LRRC4C: variants seen among roughly 807,000 people sequenced by gnomAD.
LRRC4C encodes leucine-rich repeat-containing protein 4C.
A neutral mutation model predicts 33.6 loss-of-function variants in LRRC4C; 5 were observed. The observed-to-expected ratio is 0.15, with a 90% CI of 0.08 to 0.31. The LOEUF (loss-of-function observed/expected upper bound fraction) is 0.31, where lower values mean the gene tolerates loss of function less well. LRRC4C is among the 10% of genes least tolerant of loss of function. The probability of loss-of-function intolerance (pLI) is 1.00; values close to 1 mark genes in which losing one functional copy is unlikely to be tolerated. For synonymous variants in LRRC4C, 329 were observed against 302.0 expected (o/e 1.09, Z -0.93); for missense variants, 560 against 796.7 (o/e 0.70, Z 3.58).
intron 3 of LRRC4C, among the ~76,000 whole-genome samples, chr11:40,532,365 T>C (rs1276998618): frequency 1.3e-5 from 2 of 151,996 alleles, no homozygotes; most frequent in East Asian, 3.9e-4. Context: ...GCATTCAACT[T>C]CTAAGGGCAT....
chr11:40,285,175 T>C (rs1411349960), intron 4 of LRRC4C, among the ~76,000 whole-genome samples: 1 of 152,124 alleles, frequency 6.6e-6, no homozygotes. Flanking sequence ...GGATTTGAGA[T>C]TCCTCTCTCA....
chr11:41,443,528 G>C (rs552726917), intron 1 of LRRC4C, among the ~76,000 whole-genome samples: 63 of 151,818 alleles, frequency 4.1e-4, no homozygotes, highest in African/African-American at 1.4e-3. Context: ...AATAAAATAA[G>C]GAAACAAATT....
At chr11:40,803,491 T>G (rs1337157736) in intron 2 of LRRC4C, among the ~76,000 whole-genome samples, 1 of 152,178 alleles carries the variant, frequency 6.6e-6, no homozygotes, top group Non-Finnish European at 1.5e-5. Flanking sequence ...TTCAATAAAA[T>G]GCATCATCTA....
At position 40,911,416 on chromosome 11, in the gene LRRC4C, G is replaced by T. The variant is rs540867429; in HGVS notation, c.-407+22219C>A. Among the ~76,000 whole-genome samples the T allele has an allele frequency of 3.3e-5, 5 of 152,272 alleles. No homozygotes were observed. The South Asian group carries it at 8.3e-4, about 25-fold the overall frequency. ...TATCCGCTGTTCTGCATCCTCTGAC[G>T]CTGATACCCAGGCAAATGGGGTCTG... On this transcript the variant is annotated intron_variant, in intron 2 of 6. Coordinates refer to ENST00000528697, the MANE Select transcript of LRRC4C (RefSeq NM_001258419.2).
At chr11:40,559,181 CTT>C (rs71060968) in intron 3 of LRRC4C, among the ~76,000 whole-genome samples, 20,195 of 124,492 alleles carry the variant, frequency 0.16, 1,293 homozygotes, top group Admixed American at 0.23. Context: ...TTGCATGCGT[CTT>C]TTTTTTTTTT....
In LRRC4C at chr11:40,862,469, C is replaced by A. The variant is rs140023142; in HGVS notation, c.-407+71166G>T. Among the ~76,000 whole-genome samples, 552 of 152,302 alleles carry A rather than the reference C, an allele frequency of 3.6e-3. 3 individuals carry two copies. The highest frequency in any genetic ancestry group is 0.011 in the African/African-American group (446 of 41,586). On this transcript the variant is annotated intron_variant, in intron 2 of 6. Coordinates refer to ENST00000528697, the MANE Select transcript of LRRC4C (RefSeq NM_001258419.2). ...CCATTTACTAAAGTAAGACATTTTA[C>A]AACAAATCCAAATATGCTTCTGTGG...
intron 3 of LRRC4C, among the ~76,000 whole-genome samples, chr11:40,382,204 G>A (rs1460146246): frequency 7.0e-6 from 1 of 142,062 alleles, no homozygotes; most frequent in Non-Finnish European, 1.5e-5. Flanking sequence ...GGTTGGTCTC[G>A]ATCTCCTGAT....
At chr11:40,712,234 T>G (rs1946503498) in intron 2 of LRRC4C, among the ~76,000 whole-genome samples, 1 of 152,184 alleles carries the variant, frequency 6.6e-6, no homozygotes, top group Non-Finnish European at 1.5e-5. Context: ...AACCAATATT[T>G]TCTCAGTTGC....
chr11:41,123,892 C>T (rs1244820747), intron 1 of LRRC4C, among the ~76,000 whole-genome samples: 1 of 152,194 alleles, frequency 6.6e-6, no homozygotes, highest in Non-Finnish European at 1.5e-5. Context: ...AGTCACTTCA[C>T]ACTGTGTACT....
At chr11:40,658,050 A>T (rs1039059696) in intron 2 of LRRC4C, among the ~76,000 whole-genome samples, 1 of 152,224 alleles carries the variant, frequency 6.6e-6, no homozygotes, top group African/African-American at 2.4e-5. Context: ...CACATACCTG[A>T]ATCAAAGAGT....
At chr11:40,463,584 T>C (rs75525835) in intron 3 of LRRC4C, among the ~76,000 whole-genome samples, 49 of 152,178 alleles carry the variant, frequency 3.2e-4, no homozygotes, top group African/African-American at 1.1e-3. Flanking sequence ...AATAACTCAA[T>C]GTAAAAAAGA....
intron 2 of LRRC4C, among the ~76,000 whole-genome samples, chr11:40,716,076 G>GA (rs1366514293): frequency 3.3e-5 from 5 of 151,104 alleles, no homozygotes; most frequent in Non-Finnish European, 5.9e-5. Flanking sequence ...CCAGGGCCTA[G>GA]AAAAAATCAT....
intron 5 of LRRC4C, among the ~76,000 whole-genome samples, chr11:40,189,268 T>A (rs1861640765): frequency 6.6e-6 from 1 of 152,228 alleles, no homozygotes; most frequent in Admixed American, 6.5e-5. Context: ...TAAAAGCTGT[T>A]TCTCAATCAT....
intron 1 of LRRC4C, among the ~76,000 whole-genome samples, chr11:41,209,691 T>A (rs192513597): frequency 6.6e-6 from 1 of 151,566 alleles, no homozygotes; most frequent in Non-Finnish European, 1.5e-5. Flanking sequence ...GGATTTGGAA[T>A]TGATGCTAGA....
chr11:40,408,091 C>T (rs1336495222), intron 3 of LRRC4C, among the ~76,000 whole-genome samples: 1 of 151,948 alleles, frequency 6.6e-6, no homozygotes, highest in Non-Finnish European at 1.5e-5. Flanking sequence ...ATACCACCAA[C>T]ATAGAAAGAA....
chr11:40,446,705 G>A (rs72897017), intron 3 of LRRC4C: 4,279 of 152,240 alleles, frequency 0.028, 118 homozygotes, highest in African/African-American at 0.069. Flanking sequence ...TAACAATCGT[G>A]GTGGAAGGTG....
At chr11:40,413,484 C>T (rs1950221922) in intron 3 of LRRC4C, among the ~76,000 whole-genome samples, 1 of 152,050 alleles carries the variant, frequency 6.6e-6, no homozygotes, top group Admixed American at 6.6e-5. Context: ...AAAGGTTGTC[C>T]CCTCAAGGGA....
At chr11:40,741,457 C>T (rs1445258513) in intron 2 of LRRC4C, among the ~76,000 whole-genome samples, 1 of 151,984 alleles carries the variant, frequency 6.6e-6, no homozygotes, top group South Asian at 2.1e-4. Flanking sequence ...GACAACTACC[C>T]CATAATGCAA....
At chr11:40,936,638 T>C (rs1275718426) in intron 1 of LRRC4C, among the ~76,000 whole-genome samples, 1 of 152,002 alleles carries the variant, frequency 6.6e-6, no homozygotes, top group Non-Finnish European at 1.5e-5. Context: ...GCCCGGCCAG[T>C]ATCTAACACT....
Sources: allele counts gnomAD v4.1 joint callset (sites outside exome capture counted in the v4.1 genomes callset), GRCh38; gene constraint gnomAD v4.1.1; transcripts MANE v1.5; gene names NCBI Gene and HGNC (gene_info 2026-07-23, HGNC 2026-07-21).